Variants in ADCY10 observed in about 807,000 individuals in gnomAD.
ADCY10 encodes the protein adenylate cyclase 10.
ADCY10 carries 156 observed loss-of-function variants against 183.3 expected under a neutral mutation model. The ratio of observed to expected loss-of-function variants is 0.85; its 90% CI spans 0.75 to 0.97. ADCY10 has a LOEUF of 0.97. ADCY10 is among the 50% of genes least tolerant of loss of function. ADCY10 has a pLI of 0.00. For missense variants in ADCY10, 1,745 were observed against 1,934.3 expected, an observed-to-expected ratio of 0.90 and a Z score of 1.84; for synonymous variants, 645 against 670.0, an observed-to-expected ratio of 0.96 and a Z score of 0.58.
chr1:167,901,076 G>C (rs763023705), intron 5 of ADCY10, among the ~76,000 whole-genome samples: 47 of 152,254 alleles, frequency 3.1e-4, no homozygotes, highest in Middle Eastern at 3.4e-3. Flanking sequence ...TGTATCTCAG[G>C]ACTGTCATAT....
chr1:167,852,313 G>T (rs759571749), intron 18 of ADCY10, among the ~76,000 whole-genome samples: 3 of 152,064 alleles, frequency 2.0e-5, no homozygotes, highest in Non-Finnish European at 2.9e-5. Context: ...CGGTAGTGGT[G>T]CATGCCTGTA....
intron 14 of ADCY10, among the ~76,000 whole-genome samples, chr1:167,868,551 C>T (rs1295040749): frequency 6.6e-6 from 1 of 152,128 alleles, no homozygotes; most frequent in East Asian, 1.9e-4. Context: ...CAGAATTCCA[C>T]CGGGACTAGA....
chr1:167,876,506 A>G (rs1667480969), intron 12 of ADCY10, among the ~76,000 whole-genome samples: 1 of 152,160 alleles, frequency 6.6e-6, no homozygotes, highest in Non-Finnish European at 1.5e-5. Context: ...CTCTTATAGC[A>G]TATATCAAAG....
chr1:167,822,971 A>T, intron 29 of ADCY10, 37 bp downstream of exon 29: 1 of 1,578,434 alleles, frequency 6.3e-7, no homozygotes. Flanking sequence ...AGGTATCAAC[A>T]CCCCCAAGTT....
At chr1:167,907,414 T>C (rs542320218) in intron 1 of ADCY10, among the ~76,000 whole-genome samples, 2 of 152,358 alleles carry the variant, frequency 1.3e-5, no homozygotes, top group African/African-American at 4.8e-5. Flanking sequence ...GGGGTTCTCC[T>C]CTGTTTTTGC....
Position 167,831,612 on chromosome 1 carries a change from C to T in ADCY10, c.3593+1375G>A, listed in dbSNP as rs978788309. ...CTTTTGACCTGTGGATATTTTAAGC[C>T]AACAGCTCCTCAGTTTTTTCTTCTT... is the stretch of plus-strand genomic sequence containing the variant. On this transcript the variant is annotated intron_variant, in intron 25 of 32. Transcript: ENST00000367851. 4.6e-5 allele frequency among the ~76,000 whole-genome samples: 7 copies of T among 152,148 alleles called. No individual in the cohort carries two copies. The South Asian group carries it at 1.2e-3, about 27-fold the overall frequency.
intron 19 of ADCY10, among the ~76,000 whole-genome samples, chr1:167,846,703 T>C (rs188818758): frequency 6.6e-6 from 1 of 152,198 alleles, no homozygotes; most frequent in Non-Finnish European, 1.5e-5. Context: ...TTTCTCTCTA[T>C]CTGCCCTAGA....
chr1:167,881,472 T>G (rs1667864242), intron 9 of ADCY10, among the ~76,000 whole-genome samples: 1 of 152,188 alleles, frequency 6.6e-6, no homozygotes, highest in South Asian at 2.1e-4. Flanking sequence ...GGGATCTGCC[T>G]TGACATGAAG....
chr1:167,817,084 C>T (rs937468895), intron 31 of ADCY10, among the ~76,000 whole-genome samples: 2 of 152,096 alleles, frequency 1.3e-5, no homozygotes, highest in African/African-American at 4.8e-5. Context: ...TTGTTTTGGC[C>T]TTGGCATGGT....
chr1:167,849,967 T>C (rs1223646772), intron 18 of ADCY10, among the ~76,000 whole-genome samples: 2 of 151,934 alleles, frequency 1.3e-5, no homozygotes, highest in Non-Finnish European at 2.9e-5. Context: ...TTTGGAGAGC[T>C]AGTTTGGGAG....
chr1:167,853,014 C>T (rs1169978132), intron 18 of ADCY10, among the ~76,000 whole-genome samples: 40 of 152,140 alleles, frequency 2.6e-4, no homozygotes, highest in Non-Finnish European at 7.3e-5. Context: ...TGAAATTTCC[C>T]TCATTGTCAC....
intron 13 of ADCY10, among the ~76,000 whole-genome samples, chr1:167,873,747 G>GA (rs1667261475): frequency 6.6e-6 from 1 of 151,966 alleles, no homozygotes; most frequent in African/African-American, 2.4e-5. Context: ...CAAAATTTCT[G>GA]AAAAAAATGC....
intron 21 of ADCY10, among the ~76,000 whole-genome samples, chr1:167,840,838 T>G (rs1399894816): frequency 3.9e-5 from 6 of 152,078 alleles, no homozygotes; most frequent in Non-Finnish European, 8.8e-5. Flanking sequence ...TTCAAAGAAC[T>G]AAAACTAAGA....
chr1:167,817,280 G>A (rs1293046881), intron 31 of ADCY10, among the ~76,000 whole-genome samples: 1 of 152,192 alleles, frequency 6.6e-6, no homozygotes, highest in Non-Finnish European at 1.5e-5. Flanking sequence ...TACGAGAATT[G>A]TTTGAACCCG....
intron 9 of ADCY10, among the ~76,000 whole-genome samples, chr1:167,882,967 G>A (rs1667970673): frequency 6.6e-6 from 1 of 152,212 alleles, no homozygotes; most frequent in Non-Finnish European, 1.5e-5. Context: ...AACAGTGCCT[G>A]GCACATAGTA....
intron 8 of ADCY10, among the ~76,000 whole-genome samples, chr1:167,887,266 A>G (rs1000947720): frequency 9.9e-5 from 15 of 152,240 alleles, no homozygotes; most frequent in African/African-American, 3.6e-4. Context: ...TTGTGGCACT[A>G]TTCACAATAG....
intron 31 of ADCY10, among the ~76,000 whole-genome samples, chr1:167,812,287 A>G (rs547107378): frequency 6.6e-6 from 1 of 152,080 alleles, no homozygotes; most frequent in Admixed American, 6.5e-5. Context: ...TCCTCCCCCA[A>G]CTTTATTTTT....
At chr1:167,883,726 C>G in intron 8 of ADCY10, 98 bp from the exon 9 acceptor site, 1 of 1,127,708 alleles carries the variant, frequency 8.9e-7, no homozygotes, top group South Asian at 1.3e-5. Context: ...TAGGGAATGT[C>G]TACCTCAGAA....
rs200922653 is a variant in ADCY10, at chr1:167,856,311, G to A, written c.2025C>T (p.Phe675=). 35 of 1,614,090 alleles carry A rather than the reference G, an allele frequency of 2.2e-5. No individual in the cohort carries two copies. In the East Asian group the frequency reaches 3.6e-4, roughly 16 times the overall value. The change falls in exon 17 of 33, where the codon TTC becomes TTT. Residue 675 remains phenylalanine, a synonymous_variant. Coordinates refer to ENST00000367851, the MANE Select transcript of ADCY10 (RefSeq NM_018417.6). The part of the protein sequence containing the change: ...PIFIIMSLCP[F]VNIPCAAARA... ...TGGCAGCTGCACAGGGAATGTTAAC[G>A]AAGGGACACAGGGACATAATGATGA...
Sources: gnomAD v4.1 joint callset for allele counts (sites outside exome capture counted in the v4.1 genomes callset) on GRCh38, gnomAD v4.1.1 for gene constraint, MANE v1.5 for transcripts, NCBI Gene and HGNC (gene_info 2026-07-23, HGNC 2026-07-21) for gene names.